Variants in DNAJA3 observed in about 807,000 individuals in gnomAD.
DNAJA3 encodes the protein dnaJ homolog subfamily A member 3, mitochondrial.
A neutral mutation model predicts 54.9 loss-of-function variants in DNAJA3; 29 were observed. The ratio of observed to expected loss-of-function variants is 0.53; its 90% CI spans 0.39 to 0.72. The LOEUF is 0.72. DNAJA3 is among the 30% of genes least tolerant of loss of function. The pLI is 0.00. For synonymous variants in DNAJA3, 302 were observed against 251.4 expected (o/e 1.20, Z -1.90); for missense variants, 708 against 639.4 (o/e 1.11, Z -1.16).
intron 5 of DNAJA3, 107 bp downstream of exon 5, chr16:4,442,527 G>A: frequency 7.7e-7 from 1 of 1,303,806 alleles, no homozygotes; most frequent in Non-Finnish European, 1.0e-6. Flanking sequence ...TGGGGGAGTT[G>A]GTGAACTCAG....
At chr16:4,455,309 G>A (rs2057022755) in intron 11 of DNAJA3, among the ~76,000 whole-genome samples, 1 of 152,182 alleles carries the variant, frequency 6.6e-6, no homozygotes, top group Admixed American at 6.5e-5. Context: ...CTGCTTGGAA[G>A]CTGCCCTCCT....
chr16:4,450,225 A>G, intron 9 of DNAJA3, 175 bp from the exon 10 acceptor site: 1 of 557,658 alleles, frequency 1.8e-6, no homozygotes, highest in Non-Finnish European at 3.2e-6. Context: ...TTTTCTGTAC[A>G]GAAGCTTTGA....
chr16:4,442,772 C>A, intron 5 of DNAJA3: 2 of 575,668 alleles, frequency 3.5e-6, no homozygotes. Flanking sequence ...TGTAGACAGG[C>A]GGTATCATAT....
At chr16:4,446,789 G>A in intron 7 of DNAJA3, 97 bp from the exon 8 acceptor site, 1 of 1,490,028 alleles carries the variant, frequency 6.7e-7, no homozygotes, top group East Asian at 2.3e-5. Context: ...GGGGTGTGTA[G>A]TTTGTCAGGT....
chr16:4,426,970 T>G (rs2056632209), intron 1 of DNAJA3: 1 of 152,000 alleles, frequency 6.6e-6, no homozygotes, highest in African/African-American at 2.4e-5. Context: ...CAGGCCGGAG[T>G]GCAGTGGCTC....
chr16:4,436,567 G>A (rs1008772828), intron 2 of DNAJA3, among the ~76,000 whole-genome samples: 3 of 151,898 alleles, frequency 2.0e-5, no homozygotes, highest in Admixed American at 1.3e-4. Flanking sequence ...ACAGAGTCTC[G>A]CCGTGTGGCT....
chr16:4,429,657 A>C (rs2056669581), intron 1 of DNAJA3, among the ~76,000 whole-genome samples: 1 of 152,164 alleles, frequency 6.6e-6, no homozygotes. Flanking sequence ...CAACATGGAG[A>C]AACCCCGTCT....
At chr16:4,428,962 C>G (rs534521381) in intron 1 of DNAJA3, among the ~76,000 whole-genome samples, 34 of 148,552 alleles carry the variant, frequency 2.3e-4, no homozygotes, top group African/African-American at 8.3e-4. Flanking sequence ...GATCTCGGCT[C>G]ACTGCAAACT....
intron 1 of DNAJA3, among the ~76,000 whole-genome samples, chr16:4,426,444 G>T (rs1018421849): frequency 2.6e-5 from 4 of 152,222 alleles, no homozygotes; most frequent in African/African-American, 9.6e-5. Context: ...CTGCCATTCG[G>T]AGAGGCCTAG....
chr16:4,450,518 A>G (rs771808160), intron 10 of DNAJA3, 21 bp downstream of exon 10: 2 of 1,581,440 alleles, frequency 1.3e-6, no homozygotes, highest in East Asian at 2.3e-5. Flanking sequence ...TGAAGACTAC[A>G]TGGTGACACG....
Position 4,454,796 on chromosome 16 carries a change from G to A in DNAJA3, c.1340-15G>A. The A allele has an allele frequency of 6.3e-7, 1 of 1,598,414 alleles. No individual in the cohort carries two copies. Among genetic ancestry groups the A allele is most frequent in the South Asian group, 1.1e-5 (1 of 90,602 alleles). Reference sequence around the variant, plus strand: ...CAGGCCCATGACGCCAGTTCTTTCTGCTGTTTGTGCCCAGGTGGCAGCACC... The same window carrying A: ...CAGGCCCATGACGCCAGTTCTTTCTACTGTTTGTGCCCAGGTGGCAGCACC... On this transcript the variant is annotated splice_polypyrimidine_tract_variant and intron_variant, in intron 10 of 11. Transcript: ENST00000262375.
rs1459232128 is a variant in DNAJA3, at chr16:4,444,684, G to A, written c.952G>A (p.Val318Met). ...TGTAGGAGTCGAGGATGGCCAGACC[G>A]TGAGGATGCCTGTGGGAAAAAGGGA... ...VPAGVEDGQTVRMPVGKREIF... is the reference protein window; with the variant it reads ...VPAGVEDGQTMRMPVGKREIF... Residue 318 changes from valine (V) to methionine (M), a missense_variant, in exon 7 of 12, where the codon GTG becomes ATG. By Grantham distance (21) the Val-to-Met change is conservative. Coordinates refer to ENST00000262375, the MANE Select transcript of DNAJA3 (RefSeq NM_005147.6). The A allele has an allele frequency of 7.4e-6, 12 of 1,614,038 alleles. No homozygotes were observed. Among genetic ancestry groups the A allele is most frequent in the Non-Finnish European group, 1.0e-5 (12 of 1,180,018 alleles).
At chr16:4,433,344 C>T (rs539157906) in intron 1 of DNAJA3, 1 of 152,370 alleles carries the variant, frequency 6.6e-6, no homozygotes, top group South Asian at 2.1e-4. Flanking sequence ...GTTTCTGCAG[C>T]TTAACAGCTG....
intron 9 of DNAJA3, 193 bp from the exon 10 acceptor site, chr16:4,450,207 T>C: frequency 1.9e-6 from 1 of 531,418 alleles, no homozygotes; most frequent in East Asian, 3.0e-5. Context: ...GTAGGGTGTT[T>C]TAGGAGCTTT....
intron 1 of DNAJA3, chr16:4,434,143 C>G (rs920908583): frequency 8.3e-6 from 4 of 482,284 alleles, no homozygotes; most frequent in South Asian, 2.5e-5. Context: ...TGAGAACTTA[C>G]TATCGCGAGA....
intron 9 of DNAJA3, 142 bp from the exon 10 acceptor site, chr16:4,450,258 C>A (rs1289457830): frequency 3.3e-6 from 2 of 614,916 alleles, no homozygotes; most frequent in Non-Finnish European, 5.7e-6. Flanking sequence ...TAGGTTCTCA[C>A]CGCTGCACTG....
At position 4,434,424 on chromosome 16, in the gene DNAJA3, C is replaced by G; in HGVS notation, c.252C>G (p.His84Gln). Reference sequence around the variant, plus strand: ...CTTTCATTTGTACTGCCTCCTTCCACACGAGTGCCCCTTTGGCCAAAGAAG... The same window carrying G: ...CTTTCATTTGTACTGCCTCCTTCCAGACGAGTGCCCCTTTGGCCAAAGAAG... ...HNPFICTASF[H>Q]TSAPLAKEDY... The change falls in exon 2 of 12, where the codon CAC becomes CAG. Residue 84 changes from histidine to glutamine, a missense_variant. His to Gln is a conservative substitution (Grantham distance 24, BLOSUM62 0). Transcript: ENST00000262375. 2 of 1,613,878 alleles carry G rather than the reference C, an allele frequency of 1.2e-6. No homozygotes were observed. Among genetic ancestry groups the G allele is most frequent in the Non-Finnish European group, 1.7e-6 (2 of 1,179,976 alleles).
chr16:4,445,310 T>C (rs1054639313), intron 7 of DNAJA3, among the ~76,000 whole-genome samples: 1 of 152,152 alleles, frequency 6.6e-6, no homozygotes, highest in African/African-American at 2.4e-5. Flanking sequence ...AGAGCTGAAC[T>C]CAAGGGATGC....
intron 6 of DNAJA3, among the ~76,000 whole-genome samples, 180 bp from the exon 7 acceptor site, chr16:4,444,484 C>T (rs1046675387): frequency 2.0e-5 from 3 of 152,010 alleles, no homozygotes; most frequent in Non-Finnish European, 4.4e-5. Flanking sequence ...GCTGGGACTA[C>T]AGGCGTGTGC....
Sources: gnomAD v4.1 joint callset for allele counts (sites outside exome capture counted in the v4.1 genomes callset) on GRCh38, gnomAD v4.1.1 for gene constraint, MANE v1.5 for transcripts, NCBI Gene and HGNC (gene_info 2026-07-23, HGNC 2026-07-21) for gene names.